Variants in LDB2 observed in about 807,000 individuals in gnomAD.
The protein encoded by LDB2 is LIM domain binding 2, also known as LIM domain-binding protein 2.
In LDB2, 12 loss-of-function variants were observed where a neutral mutation model predicts 44.3. That is an observed-to-expected ratio of 0.27 (90% confidence interval 0.17 to 0.44). The LOEUF is 0.44. LDB2 is among the 20% of genes least tolerant of loss of function. LDB2 has a pLI of 1.00. For synonymous variants in LDB2, 164 were observed against 174.8 expected (o/e 0.94, Z 0.49); for missense variants, 344 against 473.5 (o/e 0.73, Z 2.54).
chr4:16,759,021 G>C, intron 2 of LDB2, 137 bp downstream of exon 2: 1 of 595,786 alleles, frequency 1.7e-6, no homozygotes, highest in Non-Finnish European at 3.0e-6. Context: ...ACAATGACTC[G>C]ATGAGAAGCA....
intron 5 of LDB2, among the ~76,000 whole-genome samples, chr4:16,519,016 A>G (rs939999323): frequency 6.6e-6 from 1 of 152,198 alleles, no homozygotes; most frequent in African/African-American, 2.4e-5. Flanking sequence ...TTTTGCTTCT[A>G]TAGCACTTAT....
intron 2 of LDB2, among the ~76,000 whole-genome samples, chr4:16,628,741 CT>C (rs963190094): frequency 6.6e-6 from 1 of 152,060 alleles, no homozygotes; most frequent in Non-Finnish European, 1.5e-5. Context: ...GTTCATCTCA[CT>C]GGGACTGGTT....
chr4:16,606,970 G>A (rs376337752), intron 2 of LDB2, among the ~76,000 whole-genome samples: 6 of 152,180 alleles, frequency 3.9e-5, no homozygotes, highest in South Asian at 2.1e-4. Flanking sequence ...ATCATCAACC[G>A]TTAGCAATTC....
rs139182652 is a variant in LDB2, at chr4:16,727,531, C to A, written c.235+31627G>T. Among the ~76,000 whole-genome samples, 801 of 152,276 alleles carry A rather than the reference C, an allele frequency of 5.3e-3. 7 individuals are homozygous for A. Among genetic ancestry groups the A allele is most frequent in the African/African-American group, 0.018 (765 of 41,558 alleles). The stretch of plus-strand genomic sequence containing the variant: ...ATGCAGTTGAAACGCATCTCTGAAC[C>A]CCTTTTTGAGGTATTTCTTACCTGG... On this transcript the variant is annotated intron_variant, in intron 2 of 7. Coordinates refer to ENST00000304523, the MANE Select transcript of LDB2 (RefSeq NM_001290.5).
At chr4:16,870,950 A>G (rs1716394274) in intron 1 of LDB2, among the ~76,000 whole-genome samples, 1 of 152,158 alleles carries the variant, frequency 6.6e-6, no homozygotes, top group Non-Finnish European at 1.5e-5. Context: ...CGTTCTTTAA[A>G]CCCAAAAAGC....
chr4:16,679,752 C>A (rs1374412091), intron 2 of LDB2, among the ~76,000 whole-genome samples: 3 of 152,050 alleles, frequency 2.0e-5, no homozygotes, highest in Non-Finnish European at 4.4e-5. Context: ...AAAGGAGGAG[C>A]TGATGTGAGT....
At chr4:16,894,809 T>C (rs183426566) in intron 1 of LDB2, among the ~76,000 whole-genome samples, 47 of 152,340 alleles carry the variant, frequency 3.1e-4, no homozygotes, top group African/African-American at 1.1e-3. Context: ...AGCAAATGTT[T>C]AATGAGTACC....
intron 2 of LDB2, among the ~76,000 whole-genome samples, chr4:16,619,796 GTTTTT>G (rs386399372): frequency 1.5e-5 from 2 of 136,004 alleles, no homozygotes; most frequent in African/African-American, 5.5e-5. Flanking sequence ...GGATATCTCT[GTTTTT>G]TTTTTTTTTT....
intron 7 of LDB2, among the ~76,000 whole-genome samples, chr4:16,504,781 A>G (rs184281359): frequency 1.1e-3 from 169 of 152,326 alleles, no homozygotes; most frequent in Admixed American, 2.1e-3. Context: ...GTTATAGGCA[A>G]TTAGGAGATG....
At chr4:16,706,122 C>T (rs1754549793) in intron 2 of LDB2, among the ~76,000 whole-genome samples, 1 of 152,144 alleles carries the variant, frequency 6.6e-6, no homozygotes, top group South Asian at 2.1e-4. Flanking sequence ...CCTTTATTTA[C>T]TCAGCAGGCC....
intron 1 of LDB2, among the ~76,000 whole-genome samples, chr4:16,840,695 T>G (rs965953335): frequency 2.0e-5 from 3 of 152,194 alleles, no homozygotes; most frequent in Non-Finnish European, 2.9e-5. Context: ...TTTGCATCTC[T>G]CAGTCTCAAG....
At chr4:16,566,392 G>T (rs545056621) in intron 5 of LDB2, among the ~76,000 whole-genome samples, 7 of 152,212 alleles carry the variant, frequency 4.6e-5, no homozygotes, top group African/African-American at 1.7e-4. Flanking sequence ...AATACTTAAG[G>T]TAATTTAGAA....
intron 1 of LDB2, among the ~76,000 whole-genome samples, chr4:16,878,495 T>G (rs775211278): frequency 3.3e-5 from 5 of 152,236 alleles, no homozygotes; most frequent in Non-Finnish European, 5.9e-5. Flanking sequence ...GCTTCTGCTT[T>G]TAAATCCTTT....
intron 5 of LDB2, among the ~76,000 whole-genome samples, chr4:16,519,622 A>G (rs1006099441): frequency 2.7e-5 from 4 of 149,124 alleles, no homozygotes; most frequent in Non-Finnish European, 4.5e-5. Context: ...ACCTACACAG[A>G]GAGGTAGGTG....
At chr4:16,689,019 A>G (rs1374558772) in intron 2 of LDB2, among the ~76,000 whole-genome samples, 2 of 152,236 alleles carry the variant, frequency 1.3e-5, no homozygotes, top group Non-Finnish European at 2.9e-5. Flanking sequence ...AGGAGCTGAG[A>G]CCATCGCTAG....
chr4:16,784,683 A>C (rs1170676891), intron 1 of LDB2, among the ~76,000 whole-genome samples: 1 of 152,158 alleles, frequency 6.6e-6, no homozygotes, highest in Non-Finnish European at 1.5e-5. Context: ...CTGGAGAAGA[A>C]AGTTCAAATT....
chr4:16,710,302 G>T lies in LDB2; in HGVS notation c.235+48856C>A, dbSNP rs1323293576. On this transcript the variant is annotated intron_variant, in intron 2 of 7. Coordinates refer to ENST00000304523, the MANE Select transcript of LDB2 (RefSeq NM_001290.5). ...TGGCCTGTGAGGAAAAGAAGGGATG[G>T]CCATGAATACATACAGTCTGAAAAA... Among the ~76,000 whole-genome samples, 3 of 152,252 alleles carry T rather than the reference G, an allele frequency of 2.0e-5. No homozygotes were observed. In the East Asian group the frequency reaches 5.8e-4, roughly 29 times the overall value.
intron 1 of LDB2, chr4:16,889,394 C>T (rs1267258756): frequency 6.6e-6 from 1 of 152,118 alleles, no homozygotes; most frequent in African/African-American, 2.4e-5. Flanking sequence ...TATTTTTAAT[C>T]AGAAGTCAGG....
chr4:16,880,280 G>T (rs568863007), intron 1 of LDB2, among the ~76,000 whole-genome samples: 2 of 152,198 alleles, frequency 1.3e-5, no homozygotes, highest in South Asian at 4.1e-4. Flanking sequence ...ATCAAAACAG[G>T]CCTCCATTTC....
Sources: gnomAD v4.1 joint callset for allele counts (sites outside exome capture counted in the v4.1 genomes callset) on GRCh38, gnomAD v4.1.1 for gene constraint, MANE v1.5 for transcripts, NCBI Gene and HGNC (gene_info 2026-07-23, HGNC 2026-07-21) for gene names.